Variants in CLASP1 observed in about 807,000 individuals in gnomAD.
CLASP1 encodes CLIP-associating protein 1.
A neutral mutation model predicts 192.3 loss-of-function variants in CLASP1; 38 were observed. The ratio of observed to expected loss-of-function variants is 0.20; its 90% CI spans 0.15 to 0.26. The LOEUF (loss-of-function observed/expected upper bound fraction) is 0.26, where lower values mean the gene tolerates loss of function less well. Among genes scored for constraint, CLASP1 ranks in the 10% least tolerant of loss-of-function variants. The pLI, the probability that CLASP1 is intolerant of heterozygous loss-of-function variation, is 1.00. For synonymous variants in CLASP1, 691 were observed against 712.8 expected, an observed-to-expected ratio of 0.97 and a Z score of 0.49; for missense variants, 1,433 against 1,932.5, an observed-to-expected ratio of 0.74 and a Z score of 4.85.
chr2:121,574,850 T>C (rs933903085), intron 2 of CLASP1, among the ~76,000 whole-genome samples: 4 of 150,176 alleles, frequency 2.7e-5, no homozygotes, highest in Admixed American at 6.6e-5. Context: ...GGCAGCAGAA[T>C]TGCTTGAACC....
At chr2:121,634,422 A>G (rs959737892) in intron 1 of CLASP1, among the ~76,000 whole-genome samples, 5 of 152,122 alleles carry the variant, frequency 3.3e-5, no homozygotes, top group African/African-American at 1.2e-4. Flanking sequence ...TGCCTTGTGT[A>G]CACCCTTTCT....
intron 34 of CLASP1, among the ~76,000 whole-genome samples, chr2:121,369,927 GA>G (rs1427887605): frequency 6.6e-6 from 1 of 151,928 alleles, no homozygotes; most frequent in Non-Finnish European, 1.5e-5. Flanking sequence ...TAATTTTACT[GA>G]GTTCCAAAAC....
At chr2:121,608,140 TTTTTAG>T (rs2064698397) in intron 1 of CLASP1, among the ~76,000 whole-genome samples, 1 of 152,250 alleles carries the variant, frequency 6.6e-6, no homozygotes, top group South Asian at 2.1e-4. Flanking sequence ...TTCATTCCAA[TTTTTAG>T]TACAAATGTA....
chr2:121,585,214 A>G (rs372280048), intron 2 of CLASP1, among the ~76,000 whole-genome samples: 4 of 152,208 alleles, frequency 2.6e-5, no homozygotes, highest in East Asian at 3.8e-4. Flanking sequence ...TAAATTGCCT[A>G]TTTTACATAG....
chr2:121,570,546 AC>A (rs1344957505), intron 2 of CLASP1, among the ~76,000 whole-genome samples: 2 of 152,252 alleles, frequency 1.3e-5, no homozygotes, highest in African/African-American at 4.8e-5. Context: ...CTTTCAGCCT[AC>A]CATGCATCCT....
intron 2 of CLASP1, among the ~76,000 whole-genome samples, chr2:121,589,950 C>T (rs953091953): frequency 6.6e-6 from 1 of 152,038 alleles, no homozygotes; most frequent in African/African-American, 2.4e-5. Context: ...ATATAGGCAT[C>T]TCCTGCTCTA....
At chr2:121,348,850 C>A in intron 37 of CLASP1, 132 bp from the exon 39 acceptor site, 1 of 828,394 alleles carries the variant, frequency 1.2e-6, no homozygotes. Context: ...CTTCGCCTGG[C>A]TCAATTGTTA....
exon 28 of CLASP1, chr2:121,401,524 G>C (rs200301740): frequency 2.9e-4 from 460 of 1,611,602 alleles, no homozygotes; most frequent in Non-Finnish European, 3.7e-4. Context: ...GACATCTAGA[G>C]CCTTTTGAAC....
At chr2:121,390,080 C>A (rs565294954) in intron 30 of CLASP1, among the ~76,000 whole-genome samples, 1 of 152,116 alleles carries the variant, frequency 6.6e-6, no homozygotes, top group African/African-American at 2.4e-5. Context: ...CAGAGTTTTG[C>A]CACGAATTAG....
chr2:121,649,461 A>T (rs2073802944), exon 1 of CLASP1: 3 of 131,214 alleles, frequency 2.3e-5, no homozygotes, highest in Non-Finnish European at 1.5e-5. Context: ...TGGTGCGGGG[A>T]TTAAAAAAAA....
chr2:121,580,353 G>A (rs1046055210), intron 2 of CLASP1, among the ~76,000 whole-genome samples: 4 of 152,126 alleles, frequency 2.6e-5, no homozygotes, highest in African/African-American at 9.7e-5. Flanking sequence ...AGCACTTGTA[G>A]AAGAAAATTT....
intron 39 of CLASP1, among the ~76,000 whole-genome samples, chr2:121,344,027 C>T (rs1217348315): frequency 3.9e-5 from 6 of 151,956 alleles, no homozygotes; most frequent in East Asian, 1.9e-4. Context: ...GCCAAGATCA[C>T]GTCACCGCAC....
intron 2 of CLASP1, among the ~76,000 whole-genome samples, chr2:121,560,024 C>T (rs2058939598): frequency 6.6e-6 from 1 of 151,982 alleles, no homozygotes; most frequent in Non-Finnish European, 1.5e-5. Context: ...TAGTGTTGTA[C>T]CAAGTCCCTT....
At chr2:121,471,385 T>C (rs1288640349) in intron 8 of CLASP1, among the ~76,000 whole-genome samples, 2 of 152,178 alleles carry the variant, frequency 1.3e-5, no homozygotes, top group Non-Finnish European at 2.9e-5. Context: ...GAGTGAGTCA[T>C]TTAGGAGGCT....
intron 30 of CLASP1, among the ~76,000 whole-genome samples, chr2:121,394,564 T>C (rs940485609): frequency 6.6e-6 from 1 of 152,184 alleles, no homozygotes; most frequent in African/African-American, 2.4e-5. Context: ...TTAGATGTTA[T>C]GTGTCTAGGT....
intron 17 of CLASP1, 41 bp from the exon 18 acceptor site, chr2:121,448,366 C>A: frequency 7.2e-7 from 1 of 1,388,930 alleles, no homozygotes; most frequent in African/African-American, 1.4e-5. Flanking sequence ...ATGTACTGTA[C>A]CTGAATTAAT....
chr2:121,579,755 T>C (rs6753499), intron 2 of CLASP1, among the ~76,000 whole-genome samples: 168 of 152,344 alleles, frequency 1.1e-3, no homozygotes, highest in African/African-American at 3.9e-3. Context: ...TTACTCTGAC[T>C]GCATTGCTAA....
chr2:121,387,297 G>C (rs1558987660), intron 31 of CLASP1, 69 bp from the exon 33 acceptor site: 2 of 1,100,838 alleles, frequency 1.8e-6, no homozygotes, highest in Non-Finnish European at 2.5e-6. Flanking sequence ...TCTTTCCTTG[G>C]TCTTTTAACC....
intron 37 of CLASP1, among the ~76,000 whole-genome samples, chr2:121,356,043 C>T (rs563693624): frequency 6.6e-6 from 1 of 152,048 alleles, no homozygotes; most frequent in Non-Finnish European, 1.5e-5. Flanking sequence ...TTAAAGGTTT[C>T]TTTTAGCACA....
Sources: gnomAD v4.1 joint callset for allele counts (sites outside exome capture counted in the v4.1 genomes callset) on GRCh38, gnomAD v4.1.1 for gene constraint, MANE v1.5 for transcripts, NCBI Gene and HGNC (gene_info 2026-07-23, HGNC 2026-07-21) for gene names.